Variants in LYRM4 observed in about 807,000 individuals in gnomAD.
LYRM4 encodes LYR motif-containing protein 4.
In LYRM4, 9 loss-of-function variants were observed where a neutral mutation model predicts 11.7. The ratio of observed to expected loss-of-function variants is 0.77; its 90% CI spans 0.46 to 1.34. The LOEUF (loss-of-function observed/expected upper bound fraction) is 1.34. LYRM4 is among the 40% of genes most tolerant of loss of function. LYRM4 has a pLI of 0.00. For missense variants in LYRM4, 133 were observed against 112.5 expected (o/e 1.18, Z -0.82); for synonymous variants, 42 against 40.4 (o/e 1.04, Z -0.15).
In LYRM4 at chr6:5,260,728, T is replaced by A; in HGVS notation, c.6A>T (p.Ala2=). ...ATAACACTTGTGCGCGACTGGAGGC[T>A]GCCATTTTGGAAAGAAAAAAAAATA... is the stretch of plus-strand genomic sequence containing the variant. M[A]ASSRAQVLSL... is the part of the protein sequence containing the mutation. Residue 2 remains alanine (A), a synonymous_variant, in exon 1 of 3, where the codon GCA becomes GCT. Coordinates refer to ENST00000330636, the MANE Select transcript of LYRM4 (RefSeq NM_020408.6). The A allele has an allele frequency of 1.3e-6, 2 of 1,548,356 alleles. No homozygotes were observed. Among genetic ancestry groups the A allele is most frequent in the Non-Finnish European group, 1.7e-6 (2 of 1,147,784 alleles).
At chr6:5,202,640 C>T (rs1761454009) in intron 2 of LYRM4, among the ~76,000 whole-genome samples, 1 of 152,158 alleles carries the variant, frequency 6.6e-6, no homozygotes, top group Non-Finnish European at 1.5e-5. Context: ...CTTATTTCTC[C>T]CTAGTTCTCC....
the LYRM4 span, among the ~76,000 whole-genome samples, chr6:5,058,467 G>A: frequency 3.9e-5 from 6 of 152,322 alleles, no homozygotes; most frequent in East Asian, 1.2e-3. Context: ...GGGCCACAGA[G>A]AGTTGACCTG....
chr6:5,111,784 C>G (rs1417302966), intron 2 of LYRM4, among the ~76,000 whole-genome samples: 4 of 152,254 alleles, frequency 2.6e-5, no homozygotes, highest in African/African-American at 9.6e-5. Context: ...AGCTGGGCTG[C>G]AGCTTGGGTG....
At chr6:5,123,480 T>C (rs1763557140) in intron 2 of LYRM4, among the ~76,000 whole-genome samples, 1 of 152,154 alleles carries the variant, frequency 6.6e-6, no homozygotes, top group Non-Finnish European at 1.5e-5. Flanking sequence ...CATCTGAGTA[T>C]ACGTATAAGC....
chr6:5,088,716 G>C, the LYRM4 span: 1 of 152,200 alleles, frequency 6.6e-6, no homozygotes, highest in Non-Finnish European at 1.5e-5. Context: ...TTAGACTTTA[G>C]TGAGCTTTTG....
chr6:5,178,009 A>T (rs1303336661), intron 2 of LYRM4, among the ~76,000 whole-genome samples: 1 of 146,436 alleles, frequency 6.8e-6, no homozygotes, highest in African/African-American at 2.6e-5. Context: ...TTTTTTTTTT[A>T]ACTAAGTATT....
intron 2 of LYRM4, among the ~76,000 whole-genome samples, chr6:5,167,187 A>G (rs1323730665): frequency 2.6e-5 from 4 of 152,228 alleles, no homozygotes; most frequent in Admixed American, 2.6e-4. Context: ...AAAACCTTAC[A>G]TTAGTCTTTT....
intron 2 of LYRM4, among the ~76,000 whole-genome samples, chr6:5,213,590 T>C (rs1250166962): frequency 6.6e-6 from 1 of 152,144 alleles, no homozygotes; most frequent in African/African-American, 2.4e-5. Context: ...AGACGTGATA[T>C]GAAGAGTATC....
At chr6:5,161,775 T>G (rs1359211775) in intron 2 of LYRM4, among the ~76,000 whole-genome samples, 1 of 152,186 alleles carries the variant, frequency 6.6e-6, no homozygotes, top group Admixed American at 6.5e-5. Context: ...CATGAACTCC[T>G]GATCAGTGTA....
At chr6:5,110,099 A>C (rs1475518484) in intron 2 of LYRM4, among the ~76,000 whole-genome samples, 1 of 152,154 alleles carries the variant, frequency 6.6e-6, no homozygotes, top group African/African-American at 2.4e-5. Context: ...TGGATGCTGG[A>C]GCCATCCTCT....
chr6:5,046,845 T>C, the LYRM4 span, among the ~76,000 whole-genome samples: 5 of 152,166 alleles, frequency 3.3e-5, no homozygotes, highest in African/African-American at 1.2e-4. Flanking sequence ...ACGCCAACAC[T>C]TTGGGAGGCC....
chr6:5,101,990 G>GTTTTTTTT (rs1762519776), downstream of LYRM4, among the ~76,000 whole-genome samples: 2 of 31,948 alleles, frequency 6.3e-5, no homozygotes, highest in Non-Finnish European at 1.7e-4. Flanking sequence ...TTTTTGGAGA[G>GTTTTTTTT]TTATGTTGCC....
At chr6:5,085,451 G>A in the LYRM4 span, 1 of 1,474,676 alleles carries the variant, frequency 6.8e-7, no homozygotes, top group Non-Finnish European at 9.1e-7. Flanking sequence ...GAGGGGCCCG[G>A]TTCGGCCCGA....
At chr6:5,076,446 T>C in the LYRM4 span, among the ~76,000 whole-genome samples, 5 of 152,316 alleles carry the variant, frequency 3.3e-5, no homozygotes, top group Admixed American at 2.6e-4. Flanking sequence ...TTTCTTGAGC[T>C]CTTGGAGGCT....
At chr6:5,185,502 C>A (rs1036238267) in intron 2 of LYRM4, among the ~76,000 whole-genome samples, 1 of 152,190 alleles carries the variant, frequency 6.6e-6, no homozygotes, top group Non-Finnish European at 1.5e-5. Flanking sequence ...CTACTTCATC[C>A]GAGATGGGCT....
At chr6:5,255,942 T>C (rs138528472) in intron 1 of LYRM4, among the ~76,000 whole-genome samples, 170 of 152,296 alleles carry the variant, frequency 1.1e-3, no homozygotes, top group African/African-American at 3.7e-3. Flanking sequence ...ATTTGACTTA[T>C]GATGATAATT....
At chr6:5,119,813 A>AAAAAAAAC (rs1763333094) in intron 2 of LYRM4, among the ~76,000 whole-genome samples, 1 of 151,360 alleles carries the variant, frequency 6.6e-6, no homozygotes, top group African/African-American at 2.4e-5. Flanking sequence ...AAAAAAAAAA[A>AAAAAAAAC]AAAAAAACAA....
At chr6:5,109,611 T>C in intron 2 of LYRM4, 120 bp from the exon 3 acceptor site, 1 of 973,350 alleles carries the variant, frequency 1.0e-6, no homozygotes, top group Non-Finnish European at 1.6e-6. Context: ...GCTGCTCCCT[T>C]CCGGCAACTG....
chr6:5,233,180 T>A (rs1763341118), intron 1 of LYRM4, among the ~76,000 whole-genome samples: 1 of 152,154 alleles, frequency 6.6e-6, no homozygotes. Context: ...CTCACCCACA[T>A]GATCAATGGC....
Sources: allele counts gnomAD v4.1 joint callset (sites outside exome capture counted in the v4.1 genomes callset), GRCh38; gene constraint gnomAD v4.1.1; transcripts MANE v1.5; gene names NCBI Gene and HGNC (gene_info 2026-07-23, HGNC 2026-07-21).